Variants in PDIA4 observed in about 807,000 individuals in gnomAD.
PDIA4 encodes the protein protein disulfide isomerase family A member 4.
Under a neutral mutation model 62.1 loss-of-function variants are expected in PDIA4, and 33 were observed. The observed-to-expected ratio is 0.53, with a 90% CI of 0.40 to 0.71. The LOEUF is 0.71. Among genes scored for constraint, PDIA4 ranks in the 30% least tolerant of loss-of-function variants. PDIA4 has a pLI of 0.00. For synonymous variants in PDIA4, 341 were observed against 324.1 expected (o/e 1.05, Z -0.56); for missense variants, 804 against 813.6 (o/e 0.99, Z 0.14).
At chr7:149,021,272 C>T (rs1563123815) in intron 1 of PDIA4, 125 bp from the exon 2 acceptor site, 13 of 877,040 alleles carry the variant, frequency 1.5e-5, no homozygotes, top group Non-Finnish European at 2.1e-5. Flanking sequence ...GGGCGGATCA[C>T]GAGGTCAGGA....
At position 149,003,807 on chromosome 7, in the gene PDIA4, T is replaced by C; in HGVS notation, c.1925A>G (p.Lys642Arg). 6.4e-7 allele frequency: 1 copy of C among 1,555,154 alleles called. No individual in the cohort carries two copies. Among genetic ancestry groups the C allele is most frequent in the Non-Finnish European group, 8.7e-7 (1 of 1,150,080 alleles). Residue 642 changes from lysine to arginine, a missense_variant, in exon 10 of 10, where the codon AAG becomes AGG. Coordinates refer to ENST00000652332, the MANE Select transcript of PDIA4 (RefSeq NM_004911.5). ...GACCTCAGGCCTTCAAAGCTCTTCC[T>C]TGGTCCTGCTCAGTTTTGTGGCATG... ...EEHATKLSRT[K>R]EEL
Position 149,008,228 on chromosome 7 carries a change from C to A in PDIA4, c.1062G>T (p.Gln354His). The A allele has an allele frequency of 6.2e-7, 1 of 1,614,186 alleles. No homozygotes were observed. The highest frequency in any genetic ancestry group is 8.5e-7 in the Non-Finnish European group (1 of 1,180,022). ...ATTTCTCAGGCTGCATTACAACCAA[C>A]TGCCCCTGGGAGACTTTCAAGAACT... Reference protein sequence around the residue: ...IAKFLKVSQGQLVVMQPEKFQ... With the variant: ...IAKFLKVSQGHLVVMQPEKFQ... Residue 354 changes from glutamine to histidine, a missense_variant, in exon 7 of 10, where the codon CAG becomes CAT. Transcript: ENST00000652332.
intron 6 of PDIA4, among the ~76,000 whole-genome samples, chr7:149,009,876 C>T (rs926659302): frequency 2.5e-4 from 38 of 152,214 alleles, no homozygotes; most frequent in African/African-American, 8.7e-4. Context: ...CCTCTCCATT[C>T]TCCTCCTCAA....
intron 9 of PDIA4, among the ~76,000 whole-genome samples, chr7:149,004,434 G>A (rs1823670229): frequency 6.6e-6 from 1 of 152,320 alleles, no homozygotes; most frequent in South Asian, 2.1e-4. Flanking sequence ...ATGGGCCATC[G>A]GGTCCTGTCA....
intron 3 of PDIA4, among the ~76,000 whole-genome samples, 153 bp downstream of exon 3, chr7:149,018,839 C>A (rs975652920): frequency 1.5e-5 from 2 of 135,442 alleles, no homozygotes; most frequent in Non-Finnish European, 3.2e-5. Context: ...CCTACCCCCC[C>A]ACCCCCACCC....
At chr7:149,004,776 C>T (rs747239544) in intron 9 of PDIA4, among the ~76,000 whole-genome samples, 2 of 152,344 alleles carry the variant, frequency 1.3e-5, no homozygotes, top group Admixed American at 1.3e-4. Flanking sequence ...CGGCCCTAGT[C>T]TGGAATTTTA....
chr7:149,022,428 C>A (rs997754062), intron 1 of PDIA4, among the ~76,000 whole-genome samples: 2 of 152,214 alleles, frequency 1.3e-5, no homozygotes, highest in African/African-American at 4.8e-5. Flanking sequence ...ACCACAGATA[C>A]AAAGAACATG....
chr7:149,005,880 T>C lies in PDIA4; in HGVS notation c.1288+17A>G, dbSNP rs1327959782. On this transcript the variant is annotated intron_variant, in intron 8 of 9. Coordinates refer to ENST00000652332, the MANE Select transcript of PDIA4 (RefSeq NM_004911.5). The stretch of plus-strand genomic sequence containing the variant: ...CCCCACCCCCCACCCCCGCAGGTCT[T>C]GGTGGGGGTCCCTCACCAGCTCTGT... 2 of 1,487,444 alleles carry C rather than the reference T, an allele frequency of 1.3e-6. No individual in the cohort carries two copies. Among genetic ancestry groups the C allele is most frequent in the Non-Finnish European group, 1.8e-6 (2 of 1,125,374 alleles). The allele number at this position is 1,487,444 out of a possible 1,614,324, so 92.1% of individuals were successfully genotyped here.
intron 1 of PDIA4, among the ~76,000 whole-genome samples, chr7:149,022,560 C>A (rs1165097636): frequency 6.6e-6 from 1 of 152,116 alleles, no homozygotes; most frequent in Non-Finnish European, 1.5e-5. Flanking sequence ...GCCAATTATT[C>A]TTTTCTGGAG....
chr7:149,022,653 G>A (rs1042664478), intron 1 of PDIA4, among the ~76,000 whole-genome samples: 1 of 152,078 alleles, frequency 6.6e-6, no homozygotes, highest in Non-Finnish European at 1.5e-5. Flanking sequence ...ACCTGCCCCT[G>A]GGATCCCAGA....
intron 9 of PDIA4, among the ~76,000 whole-genome samples, 195 bp downstream of exon 9, chr7:149,004,945 GC>G (rs1245954672): frequency 1.3e-5 from 2 of 152,240 alleles, no homozygotes; most frequent in Admixed American, 1.3e-4. Context: ...CTATTCTGGT[GC>G]CTTGGAGTTT....
At chr7:149,014,852 A>T in intron 4 of PDIA4, 52 bp downstream of exon 4, 1 of 1,588,232 alleles carries the variant, frequency 6.3e-7, no homozygotes, top group Non-Finnish European at 8.6e-7. Flanking sequence ...GCCACCCCGC[A>T]CCTAGTGCCC....
chr7:149,024,303 T>C (rs986496103), intron 1 of PDIA4, among the ~76,000 whole-genome samples: 3 of 141,890 alleles, frequency 2.1e-5, no homozygotes, highest in African/African-American at 7.9e-5. Context: ...GGACATTCCC[T>C]ATGTAATTAA....
intron 6 of PDIA4, among the ~76,000 whole-genome samples, chr7:149,009,875 TCTC>T (rs771303803): frequency 2.6e-5 from 4 of 152,138 alleles, no homozygotes; most frequent in East Asian, 1.9e-4. Context: ...CCCTCTCCAT[TCTC>T]CTCCTCAAGG....
chr7:149,026,304 C>T (rs778357977), intron 1 of PDIA4, among the ~76,000 whole-genome samples: 18 of 152,052 alleles, frequency 1.2e-4, no homozygotes, highest in Admixed American at 3.9e-4. Flanking sequence ...TGGAGGATTG[C>T]TTGAGGCCAG....
chr7:149,008,816 C>T (rs2129504231), intron 6 of PDIA4, among the ~76,000 whole-genome samples: 1 of 151,968 alleles, frequency 6.6e-6, no homozygotes, highest in East Asian at 1.9e-4. Flanking sequence ...TTTTTAAAAA[C>T]TTGGTACAAG....
chr7:149,014,256 T>TG, intron 4 of PDIA4, among the ~76,000 whole-genome samples: 1 of 152,190 alleles, frequency 6.6e-6, no homozygotes, highest in Middle Eastern at 3.4e-3. Flanking sequence ...CTCCACCTGC[T>TG]GGTTCTAGGC....
rs78437221 is a variant in PDIA4 at position 149,006,067 on chromosome 7, G to A, written c.1132-14C>T. On this transcript the variant is annotated splice_polypyrimidine_tract_variant and intron_variant, in intron 7 of 9. Transcript: ENST00000652332. ...CTGGGTGGAGCCCTGCTTCAAAGAG[G>A]GAACAGGTGAGGGGGCCCACCATCT... 2.7e-5 allele frequency: 42 copies of A among 1,547,976 alleles called. No individual in the cohort carries two copies. In the East Asian group the frequency reaches 1.0e-3, roughly 39 times the overall value.
At position 149,011,952 on chromosome 7, in the gene PDIA4, C is replaced by T; in HGVS notation, c.873G>A (p.Leu291=). Residue 291 remains leucine, a synonymous_variant, in exon 6 of 10, where the codon CTG becomes CTA. Coordinates refer to ENST00000652332, the MANE Select transcript of PDIA4 (RefSeq NM_004911.5). ...GGAACTCCTGGACCTGCTTCAGGGT[C>T]AGAATCTCCTTGGAGGGAGGCCCGG... ...EQSGPPSKEI[L]TLKQVQEFLK... is the part of the protein sequence containing the mutation. 1 of 1,609,738 alleles carries T rather than the reference C, an allele frequency of 6.2e-7. No homozygotes were observed. The highest frequency in any genetic ancestry group is 1.1e-5 in the South Asian group (1 of 90,606).
Sources: allele counts gnomAD v4.1 joint callset (sites outside exome capture counted in the v4.1 genomes callset), GRCh38; gene constraint gnomAD v4.1.1; transcripts MANE v1.5; gene names NCBI Gene and HGNC (gene_info 2026-07-23, HGNC 2026-07-21).